Variants in ROBO2 observed in about 807,000 individuals in gnomAD.
The protein encoded by ROBO2 is roundabout homolog 2.
In ROBO2, 53 loss-of-function variants were observed where a neutral mutation model predicts 160.8. The observed-to-expected ratio is 0.33, with a 90% CI of 0.26 to 0.41. ROBO2 has a LOEUF of 0.41. Among genes scored for constraint, ROBO2 ranks in the 10% least tolerant of loss-of-function variants. ROBO2 has a pLI of 1.00. For missense variants in ROBO2, 1,577 were observed against 1,722.4 expected (o/e 0.92, Z 1.49); for synonymous variants, 664 against 611.7 (o/e 1.09, Z -1.26).
At chr3:76,990,643 A>T (rs2060613757) in intron 2 of ROBO2, among the ~76,000 whole-genome samples, 1 of 152,136 alleles carries the variant, frequency 6.6e-6, no homozygotes, top group Non-Finnish European at 1.5e-5. Flanking sequence ...TGCAGTTGTT[A>T]ACTATCTCTC....
At chr3:76,208,574 G>A (rs756819607) in intron 2 of ROBO2, among the ~76,000 whole-genome samples, 1 of 152,012 alleles carries the variant, frequency 6.6e-6, no homozygotes, top group Non-Finnish European at 1.5e-5. Flanking sequence ...ACATACTTTC[G>A]TATAAAATGT....
At chr3:76,934,797 A>G (rs1256246535) in intron 2 of ROBO2, among the ~76,000 whole-genome samples, 1 of 152,170 alleles carries the variant, frequency 6.6e-6, no homozygotes, top group Non-Finnish European at 1.5e-5. Context: ...AGGATTACTA[A>G]GTATTACTTC....
At chr3:75,957,574 A>G (rs1443507129) in intron 2 of ROBO2, among the ~76,000 whole-genome samples, 1 of 151,112 alleles carries the variant, frequency 6.6e-6, no homozygotes, top group Non-Finnish European at 1.5e-5. Context: ...TTTTTACTTT[A>G]CAGTTCTAAG....
intron 1 of ROBO2, among the ~76,000 whole-genome samples, chr3:77,094,813 G>A (rs995297287): frequency 1.3e-5 from 2 of 151,988 alleles, no homozygotes; most frequent in Non-Finnish European, 2.9e-5. Context: ...ATGTGGTTAT[G>A]GCTATTTGTC....
intron 2 of ROBO2, among the ~76,000 whole-genome samples, chr3:77,464,333 C>A (rs2082543406): frequency 1.3e-5 from 2 of 152,098 alleles, no homozygotes; most frequent in African/African-American, 4.8e-5. Flanking sequence ...AGTTCCAAGT[C>A]CCTAAGAGGA....
At chr3:76,481,253 A>G (rs931059910) in intron 2 of ROBO2, among the ~76,000 whole-genome samples, 2 of 152,204 alleles carry the variant, frequency 1.3e-5, no homozygotes, top group Admixed American at 6.6e-5. Flanking sequence ...TTCATTGGAC[A>G]TAAATGATAT....
chr3:77,150,658 G>GA (rs35656185), intron 2 of ROBO2, among the ~76,000 whole-genome samples: 1 of 150,584 alleles, frequency 6.6e-6, no homozygotes, highest in African/African-American at 2.4e-5. Flanking sequence ...AAAAGTTGTA[G>GA]AAAAAAAGCC....
At chr3:77,529,208 A>T (rs2091437999) in intron 6 of ROBO2, among the ~76,000 whole-genome samples, 1 of 151,182 alleles carries the variant, frequency 6.6e-6, no homozygotes, top group Non-Finnish European at 1.5e-5. Context: ...AAAATAAAAT[A>T]TATGAAGTGG....
At chr3:76,030,078 T>A (rs898724155) in intron 2 of ROBO2, among the ~76,000 whole-genome samples, 1 of 152,240 alleles carries the variant, frequency 6.6e-6, no homozygotes, top group African/African-American at 2.4e-5. Flanking sequence ...TGAGATGGTA[T>A]CTCATTGTGG....
intron 2 of ROBO2, among the ~76,000 whole-genome samples, chr3:76,655,908 A>G (rs778281029): frequency 1.3e-5 from 2 of 152,118 alleles, no homozygotes; most frequent in Non-Finnish European, 2.9e-5. Flanking sequence ...TGACATTATT[A>G]CATATATACA....
chr3:76,481,560 C>T (rs917394533), intron 2 of ROBO2, among the ~76,000 whole-genome samples: 2 of 152,228 alleles, frequency 1.3e-5, no homozygotes, highest in South Asian at 4.1e-4. Flanking sequence ...TGAATCAAAG[C>T]TTATACCACT....
At chr3:76,123,949 T>A (rs2070858543) in intron 2 of ROBO2, among the ~76,000 whole-genome samples, 1 of 152,172 alleles carries the variant, frequency 6.6e-6, no homozygotes, top group Non-Finnish European at 1.5e-5. Context: ...TGTTTTATGC[T>A]GAAGTGTTTA....
At chr3:76,339,070 T>C (rs2074060228) in intron 2 of ROBO2, among the ~76,000 whole-genome samples, 1 of 152,240 alleles carries the variant, frequency 6.6e-6, no homozygotes, top group Non-Finnish European at 1.5e-5. Flanking sequence ...AGTCCATCAA[T>C]GATATTTTTA....
chr3:75,938,989 T>A (rs1452351322), intron 2 of ROBO2, among the ~76,000 whole-genome samples: 1 of 152,158 alleles, frequency 6.6e-6, no homozygotes, highest in East Asian at 1.9e-4. Flanking sequence ...GTAGCCACGT[T>A]GGGTTTCTGT....
chr3:77,598,527 G>GTATATATATATATATATATATATA (rs3073098), intron 19 of ROBO2, among the ~76,000 whole-genome samples: 16 of 139,978 alleles, frequency 1.1e-4, no homozygotes, highest in African/African-American at 4.3e-4. Flanking sequence ...ATATATATGT[G>GTATATATATATATATATATATATA]TATATATATA....
chr3:77,164,885 G>T (rs2078896675), intron 2 of ROBO2, among the ~76,000 whole-genome samples: 1 of 97,972 alleles, frequency 1.0e-5, no homozygotes, highest in Non-Finnish European at 2.5e-5. Flanking sequence ...CGGGAGGGAG[G>T]TGGGGGGGTC....
At chr3:76,817,276 C>T (rs2065756568) in intron 2 of ROBO2, among the ~76,000 whole-genome samples, 2 of 151,964 alleles carry the variant, frequency 1.3e-5, no homozygotes, top group Admixed American at 1.3e-4. Context: ...TGCACATAAA[C>T]AAAGAATGGG....
intron 2 of ROBO2, among the ~76,000 whole-genome samples, chr3:75,938,360 GATT>G (rs1947891965): frequency 6.6e-6 from 1 of 151,850 alleles, no homozygotes; most frequent in African/African-American, 2.4e-5. Flanking sequence ...TGTTTTGGAG[GATT>G]ATTATTTTTG....
At chr3:77,456,763 G>C (rs1171574779) in intron 2 of ROBO2, among the ~76,000 whole-genome samples, 1 of 152,116 alleles carries the variant, frequency 6.6e-6, no homozygotes, top group Non-Finnish European at 1.5e-5. Flanking sequence ...GCTCTTCTCA[G>C]TAGAATATAT....
Sources: gnomAD v4.1 joint callset for allele counts (sites outside exome capture counted in the v4.1 genomes callset) on GRCh38, gnomAD v4.1.1 for gene constraint, MANE v1.5 for transcripts, NCBI Gene and HGNC (gene_info 2026-07-23, HGNC 2026-07-21) for gene names.